Variants in DYDC1 observed in about 807,000 individuals in gnomAD.
DYDC1 encodes DPY30 domain-containing protein 1.
In DYDC1, 21 loss-of-function variants were observed where a neutral mutation model predicts 27.9. The observed-to-expected ratio is 0.75, with a 90% confidence interval of 0.53 to 1.08. The LOEUF (loss-of-function observed/expected upper bound fraction) is 1.08, where lower values mean the gene tolerates loss of function less well. Ranked by LOEUF, DYDC1 falls within the 50% of genes least tolerant of loss-of-function variation. The probability of loss-of-function intolerance (pLI) is 0.00; values close to 1 mark genes in which losing one functional copy is unlikely to be tolerated. For missense variants in DYDC1, 202 were observed against 205.9 expected, an observed-to-expected ratio of 0.98 and a Z score of 0.12; for synonymous variants, 67 against 65.8, an observed-to-expected ratio of 1.02 and a Z score of -0.09.
chr10:80,337,364 C>A, intron 6 of DYDC1: 1 of 985,462 alleles, frequency 1.0e-6, no homozygotes. Flanking sequence ...AAACAATTAG[C>A]ACTGAGTCTG....
intron 1 of DYDC1, among the ~76,000 whole-genome samples, chr10:80,355,986 TAAAA>T (rs370903702): frequency 5.0e-5 from 6 of 118,886 alleles, no homozygotes; most frequent in Non-Finnish European, 1.1e-4. Context: ...GAAGTGAAGT[TAAAA>T]AAAAAAAAAA....
Position 80,342,294 on chromosome 10 carries a change from T to C in DYDC1, c.317A>G (p.Gln106Arg), listed in dbSNP as rs1244925274. The change falls in exon 4 of 7, where the codon CAG (glutamine) becomes CGG (arginine). Residue 106 changes from glutamine to arginine, a missense_variant. By Grantham distance (43) the Gln-to-Arg change is conservative (BLOSUM62 1). Transcript: ENST00000372202. ...EKERQRIQEL[Q>R]RAQEQLGKEM... is the part of the protein sequence containing the mutation. ...CTTGCCTAATTGTTCTTGAGCTCTC[T>C]GTAGTTCTTGTATTCTCTGCCTCTC... The C allele has an allele frequency of 1.2e-6, 2 of 1,614,026 alleles. No homozygotes were observed. Among genetic ancestry groups the C allele is most frequent in the South Asian group, 1.1e-5 (1 of 91,078 alleles).
At chr10:80,342,600 T>C (rs1260221047) in intron 3 of DYDC1, among the ~76,000 whole-genome samples, 1 of 152,198 alleles carries the variant, frequency 6.6e-6, no homozygotes, top group East Asian at 1.9e-4. Context: ...AAGTAACAAA[T>C]GAGATTGCAA....
At chr10:80,339,011 T>G in intron 5 of DYDC1, 86 bp downstream of exon 5, 2 of 682,916 alleles carry the variant, frequency 2.9e-6, no homozygotes, top group Non-Finnish European at 4.7e-6. Context: ...TGCTAAAAAT[T>G]TAGCTACTTA....
At chr10:80,338,825 G>C (rs190899015) in intron 5 of DYDC1, among the ~76,000 whole-genome samples, 1 of 152,104 alleles carries the variant, frequency 6.6e-6, no homozygotes. Context: ...TAAAATAATT[G>C]TAAGTAATTA....
At chr10:80,355,820 A>C (rs1843329982) in intron 1 of DYDC1, among the ~76,000 whole-genome samples, 2 of 152,192 alleles carry the variant, frequency 1.3e-5, no homozygotes, top group Non-Finnish European at 2.9e-5. Flanking sequence ...ACTGGCACAA[A>C]TGAACCTAAT....
chr10:80,355,978 AG>A (rs1589526489), intron 1 of DYDC1, among the ~76,000 whole-genome samples: 2 of 147,762 alleles, frequency 1.4e-5, no homozygotes, highest in East Asian at 3.9e-4. Context: ...AGTCATTTGA[AG>A]TGAAGTTAAA....
chr10:80,342,076 C>G (rs73301472), intron 4 of DYDC1, among the ~76,000 whole-genome samples, 193 bp downstream of exon 4: 10,617 of 149,814 alleles, frequency 0.071, 881 homozygotes, highest in African/African-American at 0.19. Flanking sequence ...TAGTATTATA[C>G]TGCTAGCTCT....
chr10:80,340,076 C>T (rs146905406), intron 4 of DYDC1, among the ~76,000 whole-genome samples: 108 of 152,268 alleles, frequency 7.1e-4, no homozygotes, highest in African/African-American at 2.5e-3. Flanking sequence ...CCTCAGAAGC[C>T]GTTAAGGCCC....
In DYDC1 at chr10:80,336,204, G is replaced by A; in HGVS notation, c.505-19C>T. 1 of 1,574,662 alleles carries A rather than the reference G, an allele frequency of 6.4e-7. No individual in the cohort carries two copies. Among genetic ancestry groups the A allele is most frequent in the Non-Finnish European group, 8.6e-7 (1 of 1,165,422 alleles). ...ATGCAATCTAAAAGCAAAACAAAAA[G>A]TAAATATTCCTTAATACAATTAGAA... On this transcript the variant is annotated intron_variant, in intron 6 of 6. Coordinates refer to ENST00000372202, the MANE Select transcript of DYDC1 (RefSeq NM_001269053.2).
chr10:80,352,300 A>G (rs1843042970), intron 2 of DYDC1, 155 bp downstream of exon 2: 1 of 1,146,996 alleles, frequency 8.7e-7, no homozygotes, highest in Non-Finnish European at 1.2e-6. Context: ...TCTTTGGGTA[A>G]TGTTTTCTCC....
At chr10:80,350,369 A>G (rs1842915326) in intron 3 of DYDC1, among the ~76,000 whole-genome samples, 1 of 152,192 alleles carries the variant, frequency 6.6e-6, no homozygotes, top group Admixed American at 6.5e-5. Context: ...ACCTCTGGGA[A>G]TTCTCTTATT....
intron 1 of DYDC1, among the ~76,000 whole-genome samples, chr10:80,356,005 AG>A (rs1843345939): frequency 6.7e-6 from 1 of 148,290 alleles, no homozygotes; most frequent in Non-Finnish European, 1.5e-5. Context: ...AAAAAAAAAA[AG>A]GTGCACAGAC....
In DYDC1 at chr10:80,348,864, A is replaced by G. The variant is rs114164897; in HGVS notation, c.249+3037T>C. On this transcript the variant is annotated intron_variant, in intron 3 of 6. Transcript: ENST00000372202. Reference sequence around the variant, plus strand: ...AGACATTTTCAAGGATGAAATGCATAAAACCTCATTACAGATCAGCATTAG... The same window carrying G: ...AGACATTTTCAAGGATGAAATGCATGAAACCTCATTACAGATCAGCATTAG... 9.3e-3 allele frequency among the ~76,000 whole-genome samples: 1,410 copies of G among 152,336 alleles called. 23 individuals are homozygous for G. Among genetic ancestry groups the G allele is most frequent in the African/African-American group, 0.032 (1,340 of 41,576 alleles).
chr10:80,354,531 C>CATGATAGG (rs1463144352), intron 1 of DYDC1: 2 of 151,478 alleles, frequency 1.3e-5, no homozygotes. Context: ...GGTCAGGCAC[C>CATGATAGG]ATGATAGGTA....
At chr10:80,352,910 G>A (rs1477371829) in intron 1 of DYDC1, among the ~76,000 whole-genome samples, 1 of 152,108 alleles carries the variant, frequency 6.6e-6, no homozygotes, top group Non-Finnish European at 1.5e-5. Flanking sequence ...AGTAATGTGG[G>A]TCTCATGTAA....
At chr10:80,350,579 C>A (rs1842925088) in intron 3 of DYDC1, among the ~76,000 whole-genome samples, 1 of 152,144 alleles carries the variant, frequency 6.6e-6, no homozygotes, top group Non-Finnish European at 1.5e-5. Context: ...TTTCAACAGC[C>A]CTATCCTTCT....
intron 6 of DYDC1, 165 bp from the exon 7 acceptor site, chr10:80,336,350 A>G: frequency 2.0e-6 from 2 of 981,314 alleles, no homozygotes; most frequent in Non-Finnish European, 2.4e-6. Context: ...ATAACCATAA[A>G]TTATGTTCTC....
intron 3 of DYDC1, among the ~76,000 whole-genome samples, chr10:80,344,978 G>T (rs1340065039): frequency 2.0e-5 from 3 of 152,196 alleles, no homozygotes; most frequent in African/African-American, 7.2e-5. Context: ...AATCTGCTAA[G>T]ATGTGTCATA....
Sources: allele counts gnomAD v4.1 joint callset (sites outside exome capture counted in the v4.1 genomes callset), GRCh38; gene constraint gnomAD v4.1.1; transcripts MANE v1.5; gene names NCBI Gene and HGNC (gene_info 2026-07-23, HGNC 2026-07-21).